Variants in LNX1 observed in about 807,000 individuals in gnomAD.
LNX1 encodes ligand of numb-protein X 1.
A neutral mutation model predicts 68.4 loss-of-function variants in LNX1; 54 were observed. That is an observed-to-expected ratio of 0.79 (90% CI 0.63 to 0.99). The LOEUF (loss-of-function observed/expected upper bound fraction) is 0.99. LNX1 is among the 50% of genes least tolerant of loss of function. The pLI, the probability that LNX1 is intolerant of heterozygous loss-of-function variation, is 0.00. For synonymous variants in LNX1, 336 were observed against 350.0 expected (o/e 0.96, Z 0.45); for missense variants, 906 against 926.4 (o/e 0.98, Z 0.29).
At chr4:53,528,515 T>G (rs184979828) in intron 2 of LNX1, among the ~76,000 whole-genome samples, 12 of 152,350 alleles carry the variant, frequency 7.9e-5, no homozygotes, top group African/African-American at 2.4e-4. Flanking sequence ...TACAATATAT[T>G]GCTATAATTA....
At chr4:53,628,437 A>G (rs1276121638) in intron 1 of LNX1, among the ~76,000 whole-genome samples, 3 of 152,208 alleles carry the variant, frequency 2.0e-5, no homozygotes, top group African/African-American at 7.2e-5. Flanking sequence ...AACCATGATG[A>G]GACACCATAT....
chr4:53,561,740 C>G (rs1319507615), intron 2 of LNX1, among the ~76,000 whole-genome samples: 1 of 152,138 alleles, frequency 6.6e-6, no homozygotes, highest in African/African-American at 2.4e-5. Flanking sequence ...AATTACATCA[C>G]GTTTTCATTC....
intron 4 of LNX1, among the ~76,000 whole-genome samples, chr4:53,499,589 A>G (rs1435424450): frequency 2.6e-5 from 4 of 152,252 alleles, no homozygotes; most frequent in Admixed American, 2.0e-4. Context: ...AATTAATAGA[A>G]GTGAATGAAT....
chr4:53,474,784 T>C (rs918051211), intron 9 of LNX1, among the ~76,000 whole-genome samples: 1 of 151,612 alleles, frequency 6.6e-6, no homozygotes, highest in Non-Finnish European at 1.5e-5. Context: ...CTTTTTTTTT[T>C]GAGACAGAGT....
At chr4:53,465,802 T>TG (rs1722635055) in intron 9 of LNX1, among the ~76,000 whole-genome samples, 1 of 152,194 alleles carries the variant, frequency 6.6e-6, no homozygotes, top group Non-Finnish European at 1.5e-5. Flanking sequence ...TGAAACATAG[T>TG]ACCCTTTTTA....
intron 2 of LNX1, among the ~76,000 whole-genome samples, chr4:53,596,915 G>A (rs1163007055): frequency 1.3e-5 from 2 of 152,230 alleles, no homozygotes; most frequent in East Asian, 3.9e-4. Flanking sequence ...ACTCTCTACT[G>A]TATTTTCTTA....
chr4:53,485,556 A>G (rs1724229977), intron 6 of LNX1, among the ~76,000 whole-genome samples: 1 of 152,232 alleles, frequency 6.6e-6, no homozygotes, highest in Admixed American at 6.5e-5. Context: ...TCTGGTATCA[A>G]TTTACTTGGA....
At chr4:53,527,458 CGAGCCTG>C in intron 2 of LNX1, among the ~76,000 whole-genome samples, 1 of 152,158 alleles carries the variant, frequency 6.6e-6, no homozygotes, top group East Asian at 1.9e-4. Flanking sequence ...TTAGTCTCTA[CGAGCCTG>C]GTGCTGACTC....
At chr4:53,466,589 C>A (rs1476863639) in intron 9 of LNX1, among the ~76,000 whole-genome samples, 1 of 152,168 alleles carries the variant, frequency 6.6e-6, no homozygotes, top group African/African-American at 2.4e-5. Context: ...CTTTCCTAGT[C>A]AAAGAAAGGG....
At chr4:53,471,672 G>C (rs892818865) in intron 9 of LNX1, among the ~76,000 whole-genome samples, 8 of 152,130 alleles carry the variant, frequency 5.3e-5, no homozygotes, top group South Asian at 2.1e-4. Context: ...AAAAAGTGGG[G>C]AAAGGATATG....
intron 2 of LNX1, among the ~76,000 whole-genome samples, chr4:53,571,108 C>T (rs1262490628): frequency 6.6e-6 from 1 of 151,938 alleles, no homozygotes; most frequent in East Asian, 2.0e-4. Flanking sequence ...CAGCCTCTGC[C>T]TCCTGGGTTC....
chr4:53,508,366 C>G, intron 2 of LNX1, 139 bp from the exon 3 acceptor site: 1 of 1,042,860 alleles, frequency 9.6e-7, no homozygotes, highest in South Asian at 1.6e-5. Flanking sequence ...GCTATATCCT[C>G]TCTTCCCTTT....
rs138414756 is a variant in LNX1 at position 53,528,265 on chromosome 4, C to T, written c.381-20038G>A. 2.7e-4 allele frequency among the ~76,000 whole-genome samples: 41 copies of T among 152,274 alleles called. No individual in the cohort carries two copies. In the East Asian group the frequency reaches 3.7e-3, roughly 14 times the overall value. On this transcript the variant is annotated intron_variant, in intron 2 of 10. Coordinates refer to ENST00000263925, the MANE Select transcript of LNX1 (RefSeq NM_001126328.3). ...CTCCCTTATCCATAGTTTTGCTTTC[C>T]GCAGTTTCAGTTACCTGTGGTCAAC...
At chr4:53,623,389 G>A (rs1348206948) in intron 1 of LNX1, among the ~76,000 whole-genome samples, 1 of 151,702 alleles carries the variant, frequency 6.6e-6, no homozygotes, top group Non-Finnish European at 1.5e-5. Context: ...ATGCTACCAT[G>A]CCTGGCTAAT....
At position 53,506,856 on chromosome 4, in the gene LNX1, TAA is replaced by T. The variant is rs59260730; in HGVS notation, c.775+459_775+460del. Among the ~76,000 whole-genome samples the T allele has an allele frequency of 3.0e-4, 16 of 54,200 alleles. 1 individual carries two copies. The highest frequency in any genetic ancestry group is 2.1e-3 in the East Asian group (5 of 2,376). 35.6% of individuals were successfully genotyped at this position (54,200 alleles called of 152,430 possible). A position where few individuals can be genotyped will look rare whatever the true frequency, so the allele number is the denominator to read the frequency against. Reference sequence around the variant, plus strand: ...CCTGGGCGACAAGCAAAACTCTGTCTAAAAAAAAAAAAAAAAAAAGAGGAATA... The same window carrying T: ...CCTGGGCGACAAGCAAAACTCTGTCTAAAAAAAAAAAAAAAAAGAGGAATA... On this transcript the variant is annotated intron_variant, in intron 4 of 10. Transcript: ENST00000263925.
intron 2 of LNX1, chr4:53,602,729 G>A (rs1733067813): frequency 6.6e-6 from 1 of 152,266 alleles, no homozygotes; most frequent in Non-Finnish European, 1.5e-5. Flanking sequence ...AAAAACACGT[G>A]TTGGGTGATA....
chr4:53,464,280 T>TTGA (rs1320295890), intron 9 of LNX1, among the ~76,000 whole-genome samples: 20 of 152,132 alleles, frequency 1.3e-4, no homozygotes, highest in African/African-American at 4.6e-4. Context: ...GCCTCCTACT[T>TTGA]TGATTAACCT....
intron 2 of LNX1, among the ~76,000 whole-genome samples, chr4:53,565,059 C>T (rs1284347526): frequency 3.3e-5 from 5 of 151,982 alleles, no homozygotes; most frequent in African/African-American, 4.8e-5. Flanking sequence ...AAGGTGGCAG[C>T]GAGGCTGGGG....
intron 2 of LNX1, among the ~76,000 whole-genome samples, chr4:53,523,679 C>T: frequency 6.6e-6 from 1 of 152,194 alleles, no homozygotes; most frequent in East Asian, 1.9e-4. Context: ...GATTTTTCTG[C>T]TTCTTAGGTA....
Sources: gnomAD v4.1 joint callset for allele counts (sites outside exome capture counted in the v4.1 genomes callset) on GRCh38, gnomAD v4.1.1 for gene constraint, MANE v1.5 for transcripts, NCBI Gene and HGNC (gene_info 2026-07-23, HGNC 2026-07-21) for gene names.